Variants in ELOVL5 observed in about 807,000 individuals in gnomAD.
The protein encoded by ELOVL5 is very long chain fatty acid elongase 5.
In ELOVL5, 8 loss-of-function variants were observed where a neutral mutation model predicts 38.6. The ratio of observed to expected loss-of-function variants is 0.21; its 90% CI spans 0.12 to 0.37. The LOEUF is 0.37. Among genes scored for constraint, ELOVL5 ranks in the 10% least tolerant of loss-of-function variants. ELOVL5 has a pLI of 1.00. For missense variants in ELOVL5, 280 were observed against 367.8 expected (o/e 0.76, Z 1.95); for synonymous variants, 127 against 133.7 (o/e 0.95, Z 0.34).
chr6:53,285,194 G>A (rs1402892592), intron 3 of ELOVL5, among the ~76,000 whole-genome samples: 1 of 152,112 alleles, frequency 6.6e-6, no homozygotes, highest in Non-Finnish European at 1.5e-5. Context: ...TGAATGCAAA[G>A]GAAAAGTTAC....
chr6:53,280,914 C>G (rs77316650), intron 3 of ELOVL5, among the ~76,000 whole-genome samples: 7 of 152,222 alleles, frequency 4.6e-5, no homozygotes, highest in African/African-American at 1.7e-4. Context: ...TCATTTTTAA[C>G]GGTGAGTTGA....
At chr6:53,291,207 A>G (rs1382126537) in intron 3 of ELOVL5, among the ~76,000 whole-genome samples, 1 of 152,202 alleles carries the variant, frequency 6.6e-6, no homozygotes, top group Non-Finnish European at 1.5e-5. Flanking sequence ...CATTGCAGTG[A>G]TATAAAATAA....
rs757160862 is a variant in ELOVL5, at chr6:53,330,517, C to CTTTTTTT, written c.-9+18293_-9+18299dup. On this transcript the variant is annotated intron_variant, in intron 1 of 7. Coordinates refer to ENST00000304434, the MANE Select transcript of ELOVL5 (RefSeq NM_021814.5). ...ATGGTAACATTTTTTTCTTTATAAA[C>CTTTTTTT]TTTTTTTTTTTTTTTTTTTTTTTTA... Among the ~76,000 whole-genome samples, 40 of 91,416 alleles carry CTTTTTTT rather than the reference C, an allele frequency of 4.4e-4. 1 individual carries two copies. Among genetic ancestry groups the CTTTTTTT allele is most frequent in the East Asian group, 1.1e-3 (3 of 2,668 alleles). 60.0% of individuals were successfully genotyped at this position (91,416 alleles called of 152,430 possible). A position where few individuals can be genotyped will look rare whatever the true frequency, so the allele number is the denominator to read the frequency against.
chr6:53,320,149 T>C (rs1040351324), intron 1 of ELOVL5, among the ~76,000 whole-genome samples: 1 of 151,842 alleles, frequency 6.6e-6, no homozygotes, highest in Non-Finnish European at 1.5e-5. Flanking sequence ...ACCCTGTCTC[T>C]ACTAAAAATA....
chr6:53,317,465 T>TA (rs1332185283), intron 1 of ELOVL5, among the ~76,000 whole-genome samples: 8 of 152,112 alleles, frequency 5.3e-5, no homozygotes, highest in Non-Finnish European at 1.0e-4. Flanking sequence ...TATGCGGCCA[T>TA]AAAAATGATG....
chr6:53,277,167 A>G (rs888818078), intron 3 of ELOVL5: 3 of 153,762 alleles, frequency 2.0e-5, no homozygotes, highest in Admixed American at 1.3e-4. Flanking sequence ...AGGTGATTAC[A>G]AGGATCTGAA....
At chr6:53,323,576 C>CTTTTTTTTTTTTTTTT (rs3063792) in intron 1 of ELOVL5, among the ~76,000 whole-genome samples, 1 of 81,544 alleles carries the variant, frequency 1.2e-5, no homozygotes, top group African/African-American at 4.8e-5. Flanking sequence ...TACTAGCCAG[C>CTTTTTTTTTTTTTTTT]TTTTTTTTTT....
intron 1 of ELOVL5, among the ~76,000 whole-genome samples, chr6:53,330,326 C>T (rs1027472549): frequency 3.3e-5 from 5 of 152,006 alleles, no homozygotes; most frequent in Admixed American, 2.0e-4. Context: ...CATGAATAGA[C>T]GTTGCTCTGG....
At chr6:53,281,084 C>T (rs1428776562) in intron 3 of ELOVL5, among the ~76,000 whole-genome samples, 1 of 152,076 alleles carries the variant, frequency 6.6e-6, no homozygotes, top group Non-Finnish European at 1.5e-5. Context: ...CTTGGGTGGC[C>T]CTTATCAGCC....
At position 53,348,934 on chromosome 6, in the gene ELOVL5, C is replaced by G. The variant is rs1211329810; in HGVS notation, c.-126G>C. The G allele has an allele frequency of 2.3e-6, 1 of 436,932 alleles. No homozygotes were observed. The highest frequency in any genetic ancestry group is 2.1e-5 in the African/African-American group (1 of 48,102). 27.1% of individuals were successfully genotyped at this position (436,932 alleles called of 1,614,324 possible). A position where few individuals can be genotyped will look rare whatever the true frequency, so the allele number is the denominator to read the frequency against. The stretch of plus-strand genomic sequence containing the variant: ...AGAAGGAGACACCGGTGGCTAGGAC[C>G]CGCGCGATGGGAAGAGGAAGGCGCC... On this transcript the variant is annotated 5_prime_UTR_variant, in exon 1 of 8. Transcript: ENST00000304434.
intron 3 of ELOVL5, among the ~76,000 whole-genome samples, chr6:53,289,290 G>A (rs1766685055): frequency 6.6e-6 from 1 of 152,168 alleles, no homozygotes; most frequent in African/African-American, 2.4e-5. Flanking sequence ...CAGAAGAATG[G>A]CTCTAACTCC....
At chr6:53,275,458 G>A (rs936114768) in intron 4 of ELOVL5, among the ~76,000 whole-genome samples, 197 bp from the exon 5 acceptor site, 10 of 152,162 alleles carry the variant, frequency 6.6e-5, no homozygotes, top group Non-Finnish European at 8.8e-5. Context: ...ACATGATTGG[G>A]TTGGGACAGC....
chr6:53,279,671 T>C (rs1043522142), intron 3 of ELOVL5, among the ~76,000 whole-genome samples: 3 of 151,916 alleles, frequency 2.0e-5, no homozygotes, highest in Non-Finnish European at 4.4e-5. Flanking sequence ...CTTCATAGTA[T>C]TTTAAACGAG....
At chr6:53,288,337 C>T (rs534120474) in intron 3 of ELOVL5, among the ~76,000 whole-genome samples, 7 of 152,138 alleles carry the variant, frequency 4.6e-5, no homozygotes, top group Non-Finnish European at 7.4e-5. Context: ...GTAAGGGCAT[C>T]GTTTTACAAA....
At chr6:53,296,957 G>A (rs528120123) in intron 1 of ELOVL5, among the ~76,000 whole-genome samples, 4 of 152,262 alleles carry the variant, frequency 2.6e-5, no homozygotes, top group East Asian at 1.9e-4. Flanking sequence ...CTTTATCCAC[G>A]AAATCATCTA....
Position 53,294,357 on chromosome 6 carries a change from C to T in ELOVL5, c.58+1285G>A, listed in dbSNP as rs532905288. ...ACAGCTGGCAAAGAGCTCTGGGAAA[C>T]AACTTCTTTATGCTTAAAACCACAC... On this transcript the variant is annotated intron_variant, in intron 2 of 7. Transcript: ENST00000304434. 531 of 1,571,734 alleles carry T rather than the reference C, an allele frequency of 3.4e-4. 1 individual carries two copies. The highest frequency in any genetic ancestry group is 3.2e-3 in the Middle Eastern group (19 of 6,022).
chr6:53,302,266 G>A (rs1220214883), intron 1 of ELOVL5, among the ~76,000 whole-genome samples: 1 of 152,184 alleles, frequency 6.6e-6, no homozygotes, highest in Non-Finnish European at 1.5e-5. Context: ...ACGTGTGGGA[G>A]GTTAAGTCAA....
intron 1 of ELOVL5, among the ~76,000 whole-genome samples, chr6:53,300,026 G>A (rs1319034750): frequency 6.6e-6 from 1 of 152,184 alleles, no homozygotes; most frequent in Non-Finnish European, 1.5e-5. Context: ...AAAGGGAGAA[G>A]GGGCAGGTAG....
intron 3 of ELOVL5, among the ~76,000 whole-genome samples, chr6:53,282,891 G>T (rs953652132): frequency 6.6e-6 from 1 of 152,168 alleles, no homozygotes; most frequent in African/African-American, 2.4e-5. Flanking sequence ...AACCAGTTTA[G>T]AATATTATGT....
Sources: gnomAD v4.1 joint callset for allele counts (sites outside exome capture counted in the v4.1 genomes callset) on GRCh38, gnomAD v4.1.1 for gene constraint, MANE v1.5 for transcripts, NCBI Gene and HGNC (gene_info 2026-07-23, HGNC 2026-07-21) for gene names.